The following KIRREL3 variants were observed in gnomAD, a reference collection of about 807,000 sequenced individuals.
KIRREL3 encodes kin of IRRE-like protein 3.
A neutral mutation model predicts 89.7 loss-of-function variants in KIRREL3; 36 were observed. The observed-to-expected ratio is 0.40, with a 90% confidence interval of 0.31 to 0.53. The LOEUF is 0.53. KIRREL3 is among the 20% of genes least tolerant of loss of function. The pLI, the probability that KIRREL3 is intolerant of heterozygous loss-of-function variation, is 0.49. For missense variants in KIRREL3, 864 were observed against 1,056.6 expected (o/e 0.82, Z 2.53); for synonymous variants, 445 against 441.4 (o/e 1.01, Z -0.10).
chr11:126,454,688 A>G lies in KIRREL3; in HGVS notation c.848+1661T>C, dbSNP rs916301387. On this transcript the variant is annotated intron_variant, in intron 7 of 16. Coordinates refer to ENST00000525144, the MANE Select transcript of KIRREL3 (RefSeq NM_032531.4). This position sits in a 1 kb window ranked among gnomAD's most constrained non-coding sequence, Gnocchi z 5.8. ...GAGTCTCATTGGGCGCCTCTCTTGTATCTTCAGTGGCTTCTGAATAGATGC... is the reference window on the plus strand; with the variant it reads ...GAGTCTCATTGGGCGCCTCTCTTGTGTCTTCAGTGGCTTCTGAATAGATGC... Among the ~76,000 whole-genome samples the G allele has an allele frequency of 3.3e-5, 5 of 152,040 alleles. No individual in the cohort carries two copies. Among genetic ancestry groups the G allele is most frequent in the Admixed American group, 6.6e-5 (1 of 15,264 alleles).
At chr11:126,487,910 A>G (rs1202487795) in intron 4 of KIRREL3, among the ~76,000 whole-genome samples, 1 of 152,220 alleles carries the variant, frequency 6.6e-6, no homozygotes, top group Non-Finnish European at 1.5e-5. Context: ...GAAAGGGGTA[A>G]AGAGAAACTT....
rs1285243599 is a variant in KIRREL3, at chr11:126,516,077, G to A, written c.433+5238C>T. ...TGCTGGTAGAGCTGTGGCAAAGGGAGCTTGTGGTTTTGAAAAACAAACTAG... is the reference window on the plus strand; with the variant it reads ...TGCTGGTAGAGCTGTGGCAAAGGGAACTTGTGGTTTTGAAAAACAAACTAG... On this transcript the variant is annotated intron_variant, in intron 4 of 16. Transcript: ENST00000525144. The surrounding 1 kb of genome is among the most constrained non-coding windows in gnomAD (Gnocchi z 4.9). Among the ~76,000 whole-genome samples, 2 of 152,190 alleles carry A rather than the reference G, an allele frequency of 1.3e-5. No homozygotes were observed. Among genetic ancestry groups the A allele is most frequent in the Non-Finnish European group, 2.9e-5 (2 of 68,034 alleles).
chr11:126,889,247 T>C (rs1396779267), intron 1 of KIRREL3, among the ~76,000 whole-genome samples: 3 of 149,148 alleles, frequency 2.0e-5, no homozygotes, highest in Non-Finnish European at 4.4e-5. Context: ...GCCCCTCAAG[T>C]ACCCAGGGAT....
In KIRREL3 at chr11:126,696,261, A is replaced by T. The variant is rs1208557612; in HGVS notation, c.56-133349T>A. Among the ~76,000 whole-genome samples the T allele has an allele frequency of 7.5e-6, 1 of 132,696 alleles. No individual in the cohort carries two copies. The highest frequency in any genetic ancestry group is 1.6e-5 in the Non-Finnish European group (1 of 61,864). 87.1% of individuals were successfully genotyped at this position (132,696 alleles called of 152,430 possible). A position where few individuals can be genotyped will look rare whatever the true frequency, so the allele number is the denominator to read the frequency against. On this transcript the variant is annotated intron_variant, in intron 1 of 16. Coordinates refer to ENST00000525144, the MANE Select transcript of KIRREL3 (RefSeq NM_032531.4). The surrounding 1 kb of genome is among the most constrained non-coding windows in gnomAD (Gnocchi z 4.4). Reference sequence around the variant, plus strand: ...CACTGAGCGAGACTCTATCTCAATTAAAAAAAAAAAAAAAAGCCTGGATGG... The same window carrying T: ...CACTGAGCGAGACTCTATCTCAATTTAAAAAAAAAAAAAAAGCCTGGATGG...
chr11:126,835,382 G>T (rs188911632), intron 1 of KIRREL3, among the ~76,000 whole-genome samples: 5 of 152,294 alleles, frequency 3.3e-5, no homozygotes, highest in South Asian at 4.1e-4. Context: ...TGTAGGAAAA[G>T]AATTACATTA....
In KIRREL3 at chr11:126,566,408, A is replaced by G. The variant is rs190733364; in HGVS notation, c.56-3496T>C. ...CCTTCTCCTGCTCTGAGCCCGTAGG[A>G]CCAAGCACAGTGCCTGACACATGGT... On this transcript the variant is annotated intron_variant, in intron 1 of 16. Coordinates refer to ENST00000525144, the MANE Select transcript of KIRREL3 (RefSeq NM_032531.4). This position sits in a 1 kb window ranked among gnomAD's most constrained non-coding sequence, Gnocchi z 4.9. 7.1e-4 allele frequency among the ~76,000 whole-genome samples: 108 copies of G among 152,318 alleles called. No homozygotes were observed. Among genetic ancestry groups the G allele is most frequent in the East Asian group, 7.7e-4 (4 of 5,182 alleles).
rs6144553 is a variant in KIRREL3, at chr11:126,821,329, G to GTATATATATATATATATATATATA, written c.55+179125_55+179126insTATATATATATATATATATATATA. Among the ~76,000 whole-genome samples the GTATATATATATATATATATATATA allele has an allele frequency of 1.5e-3, 156 of 103,442 alleles. 4 individuals carry two copies. Among genetic ancestry groups the GTATATATATATATATATATATATA allele is most frequent in the Middle Eastern group, 5.1e-3 (1 of 196 alleles). 67.9% of individuals were successfully genotyped at this position (103,442 alleles called of 152,430 possible). On this transcript the variant is annotated intron_variant, in intron 1 of 16. Coordinates refer to ENST00000525144, the MANE Select transcript of KIRREL3 (RefSeq NM_032531.4). ...TTTCATGGGTCAACGGATAAACACA[G>GTATATATATATATATATATATATA]TATATATATATATATATATATATGT...
rs565611932 is a variant in KIRREL3, at chr11:126,998,970, C to T, written c.55+1485G>A. On this transcript the variant is annotated intron_variant, in intron 1 of 16. Coordinates refer to ENST00000525144, the MANE Select transcript of KIRREL3 (RefSeq NM_032531.4). ...GTGTGTGTGTGTGCTCATAAGCAAG[C>T]ACATACACATCCAAGAAAGAGGGTA... 4.6e-4 allele frequency among the ~76,000 whole-genome samples: 64 copies of T among 138,826 alleles called. 1 individual carries two copies. In the South Asian group the frequency reaches 6.5e-3, roughly 14 times the overall value. 91.1% of individuals were successfully genotyped at this position (138,826 alleles called of 152,430 possible). A position where few individuals can be genotyped will look rare whatever the true frequency, so the allele number is the denominator to read the frequency against.
intron 1 of KIRREL3, among the ~76,000 whole-genome samples, chr11:126,695,754 G>A (rs1240042981): frequency 6.6e-6 from 1 of 152,222 alleles, no homozygotes; most frequent in African/African-American, 2.4e-5. Context: ...CTGAGAGAGG[G>A]GAAGGAGGCA....
intron 1 of KIRREL3, among the ~76,000 whole-genome samples, chr11:126,599,263 A>G (rs1005871467): frequency 1.9e-4 from 29 of 152,044 alleles, no homozygotes; most frequent in African/African-American, 6.8e-4. Context: ...TGCACACCCA[A>G]TTTCCACGGC....
chr11:126,765,282 A>T (rs1269221153), intron 1 of KIRREL3, among the ~76,000 whole-genome samples: 2 of 152,196 alleles, frequency 1.3e-5, no homozygotes, highest in African/African-American at 2.4e-5. Flanking sequence ...TTAGGTGGAA[A>T]TAAGATGAAT....
rs904352970 is a variant in KIRREL3, at chr11:126,639,474, A to G, written c.56-76562T>C. Among the ~76,000 whole-genome samples the G allele has an allele frequency of 4.6e-5, 7 of 152,186 alleles. No homozygotes were observed. The highest frequency in any genetic ancestry group is 1.7e-4 in the African/African-American group (7 of 41,452). The stretch of plus-strand genomic sequence containing the variant: ...AAGCCTTTAAAAGTAACCTCTACTG[A>G]GCTCAATAAACCATTTCCAATGTGG... On this transcript the variant is annotated intron_variant, in intron 1 of 16. Coordinates refer to ENST00000525144, the MANE Select transcript of KIRREL3 (RefSeq NM_032531.4). The surrounding 1 kb of genome is among the most constrained non-coding windows in gnomAD (Gnocchi z 4.3).
chr11:126,894,548 A>C (rs1946067312), intron 1 of KIRREL3, among the ~76,000 whole-genome samples: 2 of 146,488 alleles, frequency 1.4e-5, no homozygotes, highest in Non-Finnish European at 3.0e-5. Context: ...ATCTCAAAAA[A>C]AAAAAAAAAA....
rs1028670452 is a variant in KIRREL3 at position 126,520,277 on chromosome 11, G to T, written c.433+1038C>A. On this transcript the variant is annotated intron_variant, in intron 4 of 16. Transcript: ENST00000525144. The surrounding 1 kb of genome is among the most constrained non-coding windows in gnomAD (Gnocchi z 4.9). ...CTTCACAACAGCTGCTAAGGGGTGG[G>T]CCTGGGCTTTCCCACTTCCCTCCTG... Among the ~76,000 whole-genome samples the T allele has an allele frequency of 6.6e-6, 1 of 152,202 alleles. No individual in the cohort carries two copies. Among genetic ancestry groups the T allele is most frequent in the Non-Finnish European group, 1.5e-5 (1 of 68,042 alleles).
intron 4 of KIRREL3, among the ~76,000 whole-genome samples, chr11:126,479,500 A>G (rs1957166155): frequency 6.6e-6 from 1 of 152,236 alleles, no homozygotes; most frequent in African/African-American, 2.4e-5. Flanking sequence ...TTAGAAAAGC[A>G]GACTCTTGTG....
Position 126,466,469 on chromosome 11 carries a change from T to TG in KIRREL3, c.592-3163dup, listed in dbSNP as rs936343063. Among the ~76,000 whole-genome samples the TG allele has an allele frequency of 7.9e-5, 12 of 152,072 alleles. No individual in the cohort carries two copies. In the East Asian group the frequency reaches 1.4e-3, roughly 17 times the overall value. ...TGAGGGGAGGAAGGTGGGACAGAGCTGGGGGGCCCAGGGGGAAGGCTGGAG... is the reference window on the plus strand; with the variant it reads ...TGAGGGGAGGAAGGTGGGACAGAGCTGGGGGGGCCCAGGGGGAAGGCTGGAG... On this transcript the variant is annotated intron_variant, in intron 5 of 16. Transcript: ENST00000525144.
rs1014313025 is a variant in KIRREL3, at chr11:126,498,388, T to TC, written c.433+22926dup. ...GCCTCTCTTTAATAAGCCAGGCTCT[T>TC]CCCCCCGACCCTGCGATTGTGTTCC... is the stretch of plus-strand genomic sequence containing the variant. On this transcript the variant is annotated intron_variant, in intron 4 of 16. Coordinates refer to ENST00000525144, the MANE Select transcript of KIRREL3 (RefSeq NM_032531.4). The surrounding 1 kb of genome is among the most constrained non-coding windows in gnomAD (Gnocchi z 4.3). Among the ~76,000 whole-genome samples the TC allele has an allele frequency of 1.3e-5, 2 of 151,978 alleles. No homozygotes were observed. Among genetic ancestry groups the TC allele is most frequent in the African/African-American group, 2.4e-5 (1 of 41,364 alleles).
At chr11:126,756,627 T>C (rs1393472644) in intron 1 of KIRREL3, among the ~76,000 whole-genome samples, 6 of 152,244 alleles carry the variant, frequency 3.9e-5, no homozygotes, top group African/African-American at 1.4e-4. Flanking sequence ...CTTCAGTAGT[T>C]ACATGCAACA....
intron 1 of KIRREL3, among the ~76,000 whole-genome samples, chr11:126,714,714 G>T (rs1947891459): frequency 6.6e-6 from 1 of 152,086 alleles, no homozygotes; most frequent in Non-Finnish European, 1.5e-5. Flanking sequence ...TCCTTTACTG[G>T]CGTCTTTCCT....
Sources: gnomAD v4.1 joint callset for allele counts (sites outside exome capture counted in the v4.1 genomes callset) on GRCh38, gnomAD v4.1.1 for gene constraint, Gnocchi (gnomAD v3.1) non-coding constraint, MANE v1.5 for transcripts, NCBI Gene and HGNC (gene_info 2026-07-23, HGNC 2026-07-21) for gene names.